Variants in IL1RAPL1 observed in about 807,000 individuals in gnomAD.
The protein encoded by IL1RAPL1 is interleukin-1 receptor accessory protein-like 1.
A neutral mutation model predicts 48.4 loss-of-function variants in IL1RAPL1; 3 were observed. That is an observed-to-expected ratio of 0.06 (90% confidence interval 0.03 to 0.16). The LOEUF (loss-of-function observed/expected upper bound fraction) is 0.16, where lower values mean the gene tolerates loss of function less well. IL1RAPL1 is among the 10% of genes least tolerant of loss of function. The probability of loss-of-function intolerance (pLI) is 1.00; values close to 1 mark genes in which losing one functional copy is unlikely to be tolerated. For synonymous variants in IL1RAPL1, 185 were observed against 187.7 expected, an observed-to-expected ratio of 0.99 and a Z score of 0.12; for missense variants, 349 against 530.6, an observed-to-expected ratio of 0.66 and a Z score of 3.36.
At chrX:28,895,818 T>C (rs984261785) in intron 2 of IL1RAPL1, among the ~76,000 whole-genome samples, 9 of 111,633 alleles carry the variant, frequency 8.1e-5, no homozygotes, top group African/African-American at 2.9e-4. Context: ...GTGATGGTCC[T>C]GTAGGCTTCC....
chrX:29,708,945 A>G (rs1439573427), intron 6 of IL1RAPL1, among the ~76,000 whole-genome samples: 1 of 111,605 alleles, frequency 9.0e-6, no homozygotes, highest in Non-Finnish European at 1.9e-5. Context: ...TTGTGGTTTC[A>G]ATTTGCATTT....
chrX:28,936,089 C>G (rs1476550265), intron 2 of IL1RAPL1, among the ~76,000 whole-genome samples: 1 of 111,560 alleles, frequency 9.0e-6, no homozygotes, highest in South Asian at 3.7e-4. Flanking sequence ...AACCACTGAG[C>G]CACAGCCTCT....
At chrX:29,775,583 C>T (rs1056562063) in intron 6 of IL1RAPL1, among the ~76,000 whole-genome samples, 5 of 110,779 alleles carry the variant, frequency 4.5e-5, no homozygotes. Context: ...AAGCATAGAC[C>T]AAAGAAGCAC....
intron 2 of IL1RAPL1, among the ~76,000 whole-genome samples, chrX:29,265,597 A>G (rs1284457210): frequency 1.0e-5 from 1 of 99,618 alleles, no homozygotes; most frequent in East Asian, 3.5e-4. Context: ...CATTAGGTAT[A>G]TCTCCTAATG....
At chrX:28,895,251 C>T (rs947123177) in intron 2 of IL1RAPL1, among the ~76,000 whole-genome samples, 3 of 110,354 alleles carry the variant, frequency 2.7e-5, no homozygotes, top group East Asian at 2.9e-4. Flanking sequence ...GGTTTTAGGA[C>T]AGGTAAAATG....
At chrX:28,839,027 A>C (rs1162590085) in intron 2 of IL1RAPL1, among the ~76,000 whole-genome samples, 1 of 111,768 alleles carries the variant, frequency 8.9e-6, no homozygotes, top group Admixed American at 9.6e-5. Context: ...AAGCTTTGAA[A>C]TAAACCATGT....
At chrX:28,971,531 A>G (rs1158302237) in intron 2 of IL1RAPL1, among the ~76,000 whole-genome samples, 1 of 112,014 alleles carries the variant, frequency 8.9e-6, no homozygotes, top group Non-Finnish European at 1.9e-5. Flanking sequence ...CCATGATATC[A>G]TTAGCAATAA....
chrX:29,068,311 CCTT>C (rs1359013715), intron 2 of IL1RAPL1, among the ~76,000 whole-genome samples: 2 of 112,117 alleles, frequency 1.8e-5, no homozygotes, highest in South Asian at 3.7e-4. Context: ...TAACCAATCT[CCTT>C]CTTCTATTAT....
intron 2 of IL1RAPL1, among the ~76,000 whole-genome samples, chrX:28,943,735 G>A (rs942855462): frequency 2.7e-5 from 3 of 110,400 alleles, no homozygotes; most frequent in Admixed American, 9.7e-5. Context: ...ACTAGAAAGG[G>A]CCTATTCAAA....
rs181768019 is a variant in IL1RAPL1, at chrX:29,744,629, G to A, written c.778+76125G>A. Among the ~76,000 whole-genome samples the A allele has an allele frequency of 1.7e-3, 194 of 112,111 alleles. 3 individuals are homozygous for A. Among genetic ancestry groups the A allele is most frequent in the Admixed American group, 4.7e-3 (50 of 10,530 alleles). On this transcript the variant is annotated intron_variant, in intron 6 of 10. Coordinates refer to ENST00000378993, the MANE Select transcript of IL1RAPL1 (RefSeq NM_014271.4). ...AACTGTTTAGTTTTTCACCATTTCT[G>A]GTCAGGCTGTTTGAATTGGCCAATG...
At chrX:29,740,347 G>A (rs768933683) in intron 6 of IL1RAPL1, among the ~76,000 whole-genome samples, 5 of 110,898 alleles carry the variant, frequency 4.5e-5, no homozygotes, top group Non-Finnish European at 9.4e-5. Flanking sequence ...ATTTTAGTTC[G>A]TCATCTCTAG....
intron 5 of IL1RAPL1, 125 bp downstream of exon 5, chrX:29,399,433 T>C (rs1040568058): frequency 1.8e-6 from 1 of 554,627 alleles, no homozygotes; most frequent in Non-Finnish European, 3.0e-6. Flanking sequence ...AGTGGATTCC[T>C]ATAGGTGAAA....
chrX:29,633,547 TTA>T (rs1458670320), intron 5 of IL1RAPL1, among the ~76,000 whole-genome samples: 1 of 111,124 alleles, frequency 9.0e-6, no homozygotes, highest in Non-Finnish European at 1.9e-5. Flanking sequence ...TGTGCTTATA[TTA>T]GTTTCCCAGG....
At chrX:28,834,082 A>T (rs1921142597) in intron 2 of IL1RAPL1, among the ~76,000 whole-genome samples, 1 of 111,654 alleles carries the variant, frequency 9.0e-6, no homozygotes, top group Non-Finnish European at 1.9e-5. Flanking sequence ...ATGTATGCAT[A>T]TGTGTAACTC....
chrX:29,487,329 TG>T (rs780072107), intron 5 of IL1RAPL1, among the ~76,000 whole-genome samples: 57 of 112,077 alleles, frequency 5.1e-4, no homozygotes, highest in African/African-American at 1.7e-3. Context: ...TATCATAAAT[TG>T]CCTCCCCCAA....
intron 2 of IL1RAPL1, among the ~76,000 whole-genome samples, chrX:29,232,670 G>A (rs1931222637): frequency 8.9e-6 from 1 of 112,334 alleles, no homozygotes; most frequent in Non-Finnish European, 1.9e-5. Context: ...TTGAGCAACA[G>A]TGTTTGTCTG....
In IL1RAPL1 at chrX:29,006,647, ATGTGTGTGTGTGTGTGTGTG is replaced by A. The variant is rs547186942; in HGVS notation, c.82+217250_82+217269del. Among the ~76,000 whole-genome samples, 330 of 76,922 alleles carry A rather than the reference ATGTGTGTGTGTGTGTGTGTG, an allele frequency of 4.3e-3. 1 individual carries two copies. Among genetic ancestry groups the A allele is most frequent in the East Asian group, 0.029 (65 of 2,247 alleles). The allele number at this position is 76,922 out of a possible 115,157, so 66.8% of individuals were successfully genotyped here. A position where few individuals can be genotyped will look rare whatever the true frequency, so the allele number is the denominator to read the frequency against. On this transcript the variant is annotated intron_variant, in intron 2 of 10. Transcript: ENST00000378993. ...CCCACATTTGTGTGTGTTTATATATATGTGTGTGTGTGTGTGTGTGTGTGTGTGTGTGTGTGTGTGTGTGT... is the reference window on the plus strand; with the variant it reads ...CCCACATTTGTGTGTGTTTATATATATGTGTGTGTGTGTGTGTGTGTGTGT...
At chrX:29,236,889 T>C (rs187161006) in intron 2 of IL1RAPL1, among the ~76,000 whole-genome samples, 1 of 109,993 alleles carries the variant, frequency 9.1e-6, no homozygotes, top group East Asian at 2.9e-4. Context: ...TTCTTCTTAA[T>C]ATTTTTCCAT....
chrX:28,949,177 C>T (rs1440644643), intron 2 of IL1RAPL1, among the ~76,000 whole-genome samples: 1 of 110,865 alleles, frequency 9.0e-6, no homozygotes, highest in Non-Finnish European at 1.9e-5. Context: ...TAAAAAAATC[C>T]ACTTTATTTC....
Sources: allele counts gnomAD v4.1 joint callset (sites outside exome capture counted in the v4.1 genomes callset), GRCh38; gene constraint gnomAD v4.1.1; transcripts MANE v1.5; gene names NCBI Gene and HGNC (gene_info 2026-07-23, HGNC 2026-07-21).